The following FHL5 variants were observed in gnomAD, a reference collection of about 807,000 sequenced individuals.
FHL5 encodes four and a half LIM domains 5.
FHL5 carries 33 observed loss-of-function variants against 32.0 expected under a neutral mutation model. The ratio of observed to expected loss-of-function variants is 1.03; its 90% CI spans 0.78 to 1.38. The LOEUF is 1.38. Among genes scored for constraint, FHL5 ranks in the 40% most tolerant of loss-of-function variants. FHL5 has a pLI of 0.00. For missense variants in FHL5, 336 were observed against 343.9 expected, an observed-to-expected ratio of 0.98 and a Z score of 0.18; for synonymous variants, 114 against 113.6, an observed-to-expected ratio of 1.00 and a Z score of -0.02.
rs1259324517 is a variant in FHL5 at position 96,617,177 on chromosome 6, C to G, written c.*1405C>G. 6.6e-6 allele frequency among the ~76,000 whole-genome samples: 1 copy of G among 152,142 alleles called. No individual in the cohort carries two copies. Among genetic ancestry groups the G allele is most frequent in the Non-Finnish European group, 1.5e-5 (1 of 68,036 alleles). ...TTACTTGGGACAAATGGAAAGCAACCTCTGCTCTCCATGATCTGTTTTCAC... is the reference window on the plus strand; with the variant it reads ...TTACTTGGGACAAATGGAAAGCAACGTCTGCTCTCCATGATCTGTTTTCAC... On this transcript the variant is annotated 3_prime_UTR_variant, in exon 6 of 6. Coordinates refer to ENST00000450218, the MANE Select transcript of FHL5 (RefSeq NM_001322466.2).
At position 96,563,185 on chromosome 6, in the gene FHL5, T is replaced by C. The variant is rs1364543199; in HGVS notation, c.-183T>C. On this transcript the variant is annotated 5_prime_UTR_variant, in exon 1 of 6. Coordinates refer to ENST00000450218, the MANE Select transcript of FHL5 (RefSeq NM_001322466.2). ...AGGAAATGCAGGGACCCTTCTGTTT[T>C]CTCCTGCAAAGTTGAAAAAGCTGCA... The C allele has an allele frequency of 6.6e-6, 1 of 152,162 alleles. No individual in the cohort carries two copies. Among genetic ancestry groups the C allele is most frequent in the Non-Finnish European group, 1.5e-5 (1 of 68,026 alleles). 9.4% of individuals were successfully genotyped at this position (152,162 alleles called of 1,614,324 possible). A position where few individuals can be genotyped will look rare whatever the true frequency, so the allele number is the denominator to read the frequency against.
intron 5 of FHL5, among the ~76,000 whole-genome samples, chr6:96,613,065 A>G (rs914362691): frequency 2.6e-5 from 4 of 152,218 alleles, no homozygotes; most frequent in African/African-American, 4.8e-5. Flanking sequence ...ACAACTATGT[A>G]TTATATACTT....
Position 96,567,822 on chromosome 6 carries a change from A to G in FHL5, c.-13+4467A>G, listed in dbSNP as rs996865489. Among the ~76,000 whole-genome samples, 3 of 83,352 alleles carry G rather than the reference A, an allele frequency of 3.6e-5. No homozygotes were observed. In the South Asian group the frequency reaches 1.3e-3, roughly 35 times the overall value. The allele number at this position is 83,352 out of a possible 152,430, so 54.7% of individuals were successfully genotyped here. Reference sequence around the variant, plus strand: ...GTATAGAAAAGCTACTGGTTTTTGTATTCTTTTTTTTTTTTTTTTTGTATC... The same window carrying G: ...GTATAGAAAAGCTACTGGTTTTTGTGTTCTTTTTTTTTTTTTTTTTGTATC... On this transcript the variant is annotated intron_variant, in intron 1 of 5. Transcript: ENST00000450218.
At chr6:96,615,581 T>C (rs1342267302) in intron 5 of FHL5, 28 bp from the exon 6 acceptor site, 1 of 1,571,818 alleles carries the variant, frequency 6.4e-7, no homozygotes. Flanking sequence ...AAAGGATAGA[T>C]TAATCTTTTT....
chr6:96,594,230 TATA>T (rs1562059570), intron 1 of FHL5, among the ~76,000 whole-genome samples: 53 of 9,352 alleles, frequency 5.7e-3, no homozygotes, highest in Non-Finnish European at 0.012. Flanking sequence ...TTAGAATTTA[TATA>T]TATATATATA....
chr6:96,574,251 T>C (rs1770542036), intron 1 of FHL5, among the ~76,000 whole-genome samples: 1 of 152,222 alleles, frequency 6.6e-6, no homozygotes, highest in East Asian at 1.9e-4. Context: ...AACTTAAGCA[T>C]ACTTTAACAA....
At chr6:96,588,579 A>G (rs1286475895) in intron 1 of FHL5, among the ~76,000 whole-genome samples, 1 of 152,170 alleles carries the variant, frequency 6.6e-6, no homozygotes, top group Non-Finnish European at 1.5e-5. Flanking sequence ...AATGCAGTTC[A>G]TTTTGGTTTG....
chr6:96,573,334 TG>T (rs1770519386), intron 1 of FHL5, among the ~76,000 whole-genome samples: 1 of 152,124 alleles, frequency 6.6e-6, no homozygotes, highest in Admixed American at 6.5e-5. Flanking sequence ...TAAGCTTTTT[TG>T]TCACATAAAG....
At chr6:96,606,277 CACA>C (rs1771277668) in intron 4 of FHL5, among the ~76,000 whole-genome samples, 1 of 151,780 alleles carries the variant, frequency 6.6e-6, no homozygotes, top group Admixed American at 6.6e-5. Flanking sequence ...AAATTCCAGC[CACA>C]ACAAGAATTT....
intron 1 of FHL5, among the ~76,000 whole-genome samples, chr6:96,563,832 C>A (rs994853476): frequency 6.6e-6 from 1 of 152,216 alleles, no homozygotes; most frequent in South Asian, 2.1e-4. Context: ...TAATGAGATT[C>A]CTGCTATTTT....
At chr6:96,600,545 A>T (rs1200189025) in intron 1 of FHL5, among the ~76,000 whole-genome samples, 1 of 151,954 alleles carries the variant, frequency 6.6e-6, no homozygotes, top group African/African-American at 2.4e-5. Context: ...TAACTTCCTT[A>T]AGATCTTCCT....
chr6:96,587,247 A>G (rs1770818287), intron 1 of FHL5, among the ~76,000 whole-genome samples: 1 of 149,104 alleles, frequency 6.7e-6, no homozygotes. Context: ...TCATCAAACA[A>G]GAGCAATTTT....
chr6:96,605,216 A>G (rs1046868783), intron 3 of FHL5, among the ~76,000 whole-genome samples: 8 of 152,234 alleles, frequency 5.3e-5, no homozygotes, highest in Non-Finnish European at 1.2e-4. Flanking sequence ...ATAACACTAC[A>G]TTAAACACAG....
chr6:96,576,852 A>C (rs1395207314), intron 1 of FHL5, among the ~76,000 whole-genome samples: 1 of 152,250 alleles, frequency 6.6e-6, no homozygotes, highest in Non-Finnish European at 1.5e-5. Flanking sequence ...TTTAGAATGA[A>C]GATTAACACT....
At position 96,602,506 on chromosome 6, in the gene FHL5, G is replaced by A. The variant is rs552558598; in HGVS notation, c.-12-1096G>A. ...CTGTCGCCCAGGCTGGAGTGCAGTG[G>A]CACAATCTCGGCTCACTGCAAGCTC... On this transcript the variant is annotated intron_variant, in intron 1 of 5. Transcript: ENST00000450218. Among the ~76,000 whole-genome samples the A allele has an allele frequency of 2.3e-4, 29 of 126,752 alleles. 1 individual carries two copies. In the Admixed American group the frequency reaches 2.6e-3, roughly 11 times the overall value. The allele number at this position is 126,752 out of a possible 152,430, so 83.2% of individuals were successfully genotyped here. A position where few individuals can be genotyped will look rare whatever the true frequency, so the allele number is the denominator to read the frequency against.
At chr6:96,594,265 ATATATATATG>A (rs1387439540) in intron 1 of FHL5, among the ~76,000 whole-genome samples, 16 of 84,908 alleles carry the variant, frequency 1.9e-4, no homozygotes, top group South Asian at 3.8e-4. Flanking sequence ...ATATATATAT[ATATATATATG>A]TATGTATGTA....
chr6:96,601,028 TAAG>T (rs2127971179), intron 1 of FHL5, among the ~76,000 whole-genome samples: 1 of 152,194 alleles, frequency 6.6e-6, no homozygotes, highest in East Asian at 1.9e-4. Flanking sequence ...CAGAATTGAA[TAAG>T]AAGTGAATTT....
chr6:96,607,638 C>T lies in FHL5; in HGVS notation c.504+1567C>T, dbSNP rs77508990. On this transcript the variant is annotated intron_variant, in intron 4 of 5. Transcript: ENST00000450218. ...GTGACTTTACAAGCAGCAATCAAGC[C>T]ATATGACATATGAAGCTCCAAAGAA... Among the ~76,000 whole-genome samples the T allele has an allele frequency of 3.9e-5, 6 of 152,110 alleles. No individual in the cohort carries two copies. In the East Asian group the frequency reaches 1.2e-3, roughly 29 times the overall value.
chr6:96,605,999 C>CA lies in FHL5; in HGVS notation c.435dup (p.Glu146ArgfsTer11). ...CTATAGGGACAAAGCCTTTGATCTC[C>CA]AAAGAGAGTGGCAATTATTGTGTGC... On this transcript the variant is annotated frameshift_variant, in exon 4 of 6. Coordinates refer to ENST00000450218, the MANE Select transcript of FHL5 (RefSeq NM_001322466.2). LOFTEE classifies it high-confidence loss of function. 6.2e-7 allele frequency: 1 copy of CA among 1,614,016 alleles called. No individual in the cohort carries two copies. The highest frequency in any genetic ancestry group is 8.5e-7 in the Non-Finnish European group (1 of 1,179,946).
Sources: allele counts gnomAD v4.1 joint callset (sites outside exome capture counted in the v4.1 genomes callset), GRCh38; gene constraint gnomAD v4.1.1; transcripts MANE v1.5; gene names NCBI Gene and HGNC (gene_info 2026-07-23, HGNC 2026-07-21).